Variants in HAO1 observed in about 807,000 individuals in gnomAD.
HAO1 encodes hydroxyacid oxidase 1.
HAO1 carries 34 observed loss-of-function variants against 39.7 expected under a neutral mutation model. That is an observed-to-expected ratio of 0.86 (90% CI 0.65 to 1.14). The LOEUF (loss-of-function observed/expected upper bound fraction) is 1.14, where lower values mean the gene tolerates loss of function less well. Ranked by LOEUF, HAO1 falls within the 50% of genes most tolerant of loss-of-function variation. The pLI is 0.00. For missense variants in HAO1, 479 were observed against 464.5 expected (o/e 1.03, Z -0.29); for synonymous variants, 172 against 173.2 (o/e 0.99, Z 0.05).
At chr20:7,888,463 T>C (rs1247445717) in intron 5 of HAO1, among the ~76,000 whole-genome samples, 1 of 152,150 alleles carries the variant, frequency 6.6e-6, no homozygotes, top group Non-Finnish European at 1.5e-5. Context: ...GAAACCTTTG[T>C]TCAAATCAAA....
intron 2 of HAO1, among the ~76,000 whole-genome samples, chr20:7,915,015 GA>G (rs2050300314): frequency 6.6e-6 from 1 of 152,154 alleles, no homozygotes; most frequent in Admixed American, 6.5e-5. Flanking sequence ...AGCTACTCAG[GA>G]GGCTGAGGCA....
At position 7,906,320 on chromosome 20, in the gene HAO1, AT is replaced by A; in HGVS notation, c.554del (p.Asn185IlefsTer29). The part of the protein sequence containing the change: ...FKLPPQLRMK[N>X]FETSTLSFSP... ...AAAATGATAAAGTACTGGTTTCAAA[AT>A]TTTTCATCCTAAAATAAGAAATGCA... On this transcript the variant is annotated frameshift_variant, in exon 4 of 8. Coordinates refer to ENST00000378789, the MANE Select transcript of HAO1 (RefSeq NM_017545.3). LOFTEE classifies it high-confidence loss of function. 1 of 1,593,474 alleles carries A rather than the reference AT, an allele frequency of 6.3e-7. No individual in the cohort carries two copies. Among genetic ancestry groups the A allele is most frequent in the Non-Finnish European group, 8.6e-7 (1 of 1,164,450 alleles).
At chr20:7,891,032 T>A (rs1424663682) in intron 5 of HAO1, among the ~76,000 whole-genome samples, 1 of 152,198 alleles carries the variant, frequency 6.6e-6, no homozygotes, top group Non-Finnish European at 1.5e-5. Context: ...CTTTTTCGAA[T>A]AATGACTTAT....
chr20:7,914,973 A>T (rs2050299992), intron 2 of HAO1, among the ~76,000 whole-genome samples: 1 of 152,068 alleles, frequency 6.6e-6, no homozygotes, highest in South Asian at 2.1e-4. Context: ...ACACAAAATT[A>T]ACCGGGCGTG....
intron 3 of HAO1, among the ~76,000 whole-genome samples, chr20:7,911,379 A>T (rs1045048164): frequency 6.6e-6 from 1 of 152,232 alleles, no homozygotes; most frequent in Non-Finnish European, 1.5e-5. Context: ...ATCAGAAATT[A>T]CTTTTCTTCT....
intron 2 of HAO1, among the ~76,000 whole-genome samples, chr20:7,921,618 G>T (rs2050333288): frequency 6.6e-6 from 1 of 151,924 alleles, no homozygotes; most frequent in African/African-American, 2.4e-5. Flanking sequence ...ATTCCCAAAG[G>T]ACAATAAGTC....
chr20:7,893,888 AAGG>A (rs2050185083), intron 5 of HAO1, among the ~76,000 whole-genome samples: 1 of 152,200 alleles, frequency 6.6e-6, no homozygotes, highest in Non-Finnish European at 1.5e-5. Flanking sequence ...TACAGTGGAC[AAGG>A]AGAAACGGTT....
chr20:7,904,591 C>T (rs2050238830), intron 4 of HAO1, among the ~76,000 whole-genome samples: 1 of 152,078 alleles, frequency 6.6e-6, no homozygotes. Flanking sequence ...TACATTATTG[C>T]CCATATTCTT....
chr20:7,924,823 A>C (rs978158754), intron 2 of HAO1, among the ~76,000 whole-genome samples: 1 of 152,158 alleles, frequency 6.6e-6, no homozygotes, highest in African/African-American at 2.4e-5. Flanking sequence ...CATTTGATTA[A>C]AAAGCTCCTA....
At chr20:7,929,724 C>T (rs558379299) in intron 2 of HAO1, among the ~76,000 whole-genome samples, 2 of 152,122 alleles carry the variant, frequency 1.3e-5, no homozygotes, top group East Asian at 1.9e-4. Flanking sequence ...ATTAGCCAGC[C>T]GTCGCGGTGC....
chr20:7,922,502 A>G (rs1361108481), intron 2 of HAO1, among the ~76,000 whole-genome samples: 1 of 152,166 alleles, frequency 6.6e-6, no homozygotes, highest in Non-Finnish European at 1.5e-5. Flanking sequence ...GAAAGCTCCT[A>G]AAGGAGAGTG....
At chr20:7,899,575 A>G (rs2050212251) in intron 4 of HAO1, among the ~76,000 whole-genome samples, 1 of 152,158 alleles carries the variant, frequency 6.6e-6, no homozygotes, top group African/African-American at 2.4e-5. Flanking sequence ...TATATTCTTC[A>G]GGTAGTATTG....
chr20:7,921,877 T>A (rs2050334656), intron 2 of HAO1, among the ~76,000 whole-genome samples: 1 of 152,142 alleles, frequency 6.6e-6, no homozygotes, highest in Admixed American at 6.6e-5. Context: ...TACCACATGT[T>A]GTCACTTATA....
At chr20:7,895,038 A>G (rs968929804) in intron 5 of HAO1, 95 bp downstream of exon 5, 1 of 818,044 alleles carries the variant, frequency 1.2e-6, no homozygotes, top group Non-Finnish European at 2.1e-6. Context: ...GTGATTACAC[A>G]AAGTACACAC....
In HAO1 at chr20:7,934,525, T is replaced by C. The variant is rs1472723538; in HGVS notation, c.248A>G (p.Gln83Arg). The C allele has an allele frequency of 6.2e-7, 1 of 1,612,456 alleles. No individual in the cohort carries two copies. The highest frequency in any genetic ancestry group is 8.5e-7 in the Non-Finnish European group (1 of 1,178,636). Residue 83 changes from glutamine (Q) to arginine (R), a missense_variant, in exon 2 of 8, where the codon CAG becomes CGG. Coordinates refer to ENST00000378789, the MANE Select transcript of HAO1 (RefSeq NM_017545.3). ...MPICVGATAMQRMAHVDGELA... is the reference protein window; with the variant it reads ...MPICVGATAMRRMAHVDGELA... ...CTCGCCGTCCACATGAGCCATGCGC[T>C]GCATGGCCGTAGCCCCCACACATAT... is the stretch of plus-strand genomic sequence containing the variant.
At chr20:7,914,735 G>C (rs1428304269) in intron 2 of HAO1, among the ~76,000 whole-genome samples, 1 of 151,996 alleles carries the variant, frequency 6.6e-6, no homozygotes, top group Admixed American at 6.6e-5. Context: ...TGTAAATACG[G>C]GCAAAAAATA....
chr20:7,909,277 T>C (rs2050264044), intron 3 of HAO1, among the ~76,000 whole-genome samples: 1 of 150,764 alleles, frequency 6.6e-6, no homozygotes, highest in African/African-American at 2.4e-5. Context: ...TTTTCAGATA[T>C]CTTGACAGAG....
intron 4 of HAO1, among the ~76,000 whole-genome samples, chr20:7,905,379 A>G (rs2050242464): frequency 6.6e-6 from 1 of 152,228 alleles, no homozygotes; most frequent in Admixed American, 6.5e-5. Flanking sequence ...GTTTTGATTC[A>G]AAGTCATTTA....
intron 1 of HAO1, among the ~76,000 whole-genome samples, chr20:7,937,674 A>G (rs2050419253): frequency 6.6e-6 from 1 of 152,200 alleles, no homozygotes; most frequent in Non-Finnish European, 1.5e-5. Flanking sequence ...AAGCTACAAC[A>G]ACGTGAAGAC....
Sources: allele counts gnomAD v4.1 joint callset (sites outside exome capture counted in the v4.1 genomes callset), GRCh38; gene constraint gnomAD v4.1.1; transcripts MANE v1.5; gene names NCBI Gene and HGNC (gene_info 2026-07-23, HGNC 2026-07-21).